Variants in TMA7 observed in about 807,000 individuals in gnomAD.
The protein encoded by TMA7 is translation machinery-associated protein 7.
In TMA7, 5 loss-of-function variants were observed where a neutral mutation model predicts 12.5. That is an observed-to-expected ratio of 0.40 (90% CI 0.21 to 0.84). The LOEUF (loss-of-function observed/expected upper bound fraction) is 0.84, where lower values mean the gene tolerates loss of function less well. Among genes scored for constraint, TMA7 ranks in the 40% least tolerant of loss-of-function variants. The pLI is 0.36. For missense variants in TMA7, 71 were observed against 75.4 expected, an observed-to-expected ratio of 0.94 and a Z score of 0.22; for synonymous variants, 36 against 28.1, an observed-to-expected ratio of 1.28 and a Z score of -0.89.
At position 48,443,853 on chromosome 3, in the gene TMA7, G is replaced by C. The variant is rs375127083; in HGVS notation, c.166G>C (p.Gly56Arg). The change falls in exon 4 of 4, where the codon GGT becomes CGT. Residue 56 changes from glycine (G) to arginine (R), a missense_variant. By Grantham distance (125) the Gly-to-Arg change is moderately radical. Transcript: ENST00000438607. Reference sequence around the variant, plus strand: ...TGACTATTTTTCTTTTGCAGCCACAGGTGGAATTAAGAAATCTGGCAAAAA... The same window carrying C: ...TGACTATTTTTCTTTTGCAGCCACACGTGGAATTAAGAAATCTGGCAAAAA... ...KAAGKGPLAT[G>R]GIKKSGKK is the part of the protein sequence containing the mutation. 7 of 1,559,810 alleles carry C rather than the reference G, an allele frequency of 4.5e-6. No individual in the cohort carries two copies. The highest frequency in any genetic ancestry group is 6.0e-6 in the Non-Finnish European group (7 of 1,159,858).
intron 3 of TMA7, among the ~76,000 whole-genome samples, chr3:48,441,976 A>G (rs1035803164): frequency 1.3e-5 from 2 of 152,230 alleles, no homozygotes; most frequent in African/African-American, 4.8e-5. Flanking sequence ...TGGGCTGACC[A>G]TAATCCAAGT....
intron 3 of TMA7, among the ~76,000 whole-genome samples, chr3:48,442,320 G>A (rs2039590198): frequency 6.6e-6 from 1 of 151,826 alleles, no homozygotes; most frequent in South Asian, 2.1e-4. Flanking sequence ...TGTGTATAGG[G>A]GAAAGAACAG....
chr3:48,440,374 C>T (rs758222698), intron 1 of TMA7, 29 bp from the exon 2 acceptor site: 3 of 1,611,694 alleles, frequency 1.9e-6, no homozygotes, highest in South Asian at 2.2e-5. Flanking sequence ...GCGGCAGGGG[C>T]AGGCCGAACG....
intron 3 of TMA7, among the ~76,000 whole-genome samples, chr3:48,443,552 G>A (rs752717142): frequency 1.5e-4 from 23 of 151,614 alleles, no homozygotes; most frequent in Non-Finnish European, 3.4e-4. Flanking sequence ...AAAAAAAAAG[G>A]ACTTCTTTTT....
intron 3 of TMA7, 75 bp downstream of exon 3, chr3:48,440,703 C>A: frequency 7.5e-7 from 1 of 1,333,270 alleles, no homozygotes; most frequent in Non-Finnish European, 1.1e-6. Flanking sequence ...GCGGGCATGT[C>A]TTTTTCCTGC....
At chr3:48,440,872 C>T (rs2039544856) in intron 3 of TMA7, 1 of 577,404 alleles carries the variant, frequency 1.7e-6, no homozygotes. Context: ...GCTGCAGAAA[C>T]GGAAACAGTG....
rs540083992 is a variant in TMA7, at chr3:48,441,640, C to T, written c.160+1012C>T. 2.6e-5 allele frequency among the ~76,000 whole-genome samples: 4 copies of T among 152,276 alleles called. No homozygotes were observed. The South Asian group carries it at 6.2e-4, about 24-fold the overall frequency. On this transcript the variant is annotated intron_variant, in intron 3 of 3. Coordinates refer to ENST00000438607, the MANE Select transcript of TMA7 (RefSeq NM_015933.6). ...ATGCTTTTCTAACTGAATCCTCCACCTTTTTTACATCTTTTATGTAGGAGA... is the reference window on the plus strand; with the variant it reads ...ATGCTTTTCTAACTGAATCCTCCACTTTTTTTACATCTTTTATGTAGGAGA...
intron 3 of TMA7, among the ~76,000 whole-genome samples, chr3:48,442,033 C>T (rs2039581121): frequency 3.5e-5 from 1 of 28,652 alleles, no homozygotes; most frequent in Admixed American, 5.4e-4. Context: ...TAGGAGTTCA[C>T]AGCATCAAAG....
At chr3:48,442,667 G>A (rs909305940) in intron 3 of TMA7, among the ~76,000 whole-genome samples, 1 of 151,692 alleles carries the variant, frequency 6.6e-6, no homozygotes, top group Non-Finnish European at 1.5e-5. Context: ...GGCCAGGATG[G>A]TCTCGATCTC....
intron 3 of TMA7, among the ~76,000 whole-genome samples, chr3:48,442,780 T>C (rs984959046): frequency 6.6e-6 from 1 of 152,132 alleles, no homozygotes; most frequent in African/African-American, 2.4e-5. Flanking sequence ...AATCGCCTAC[T>C]GCGTTCCACA....
At position 48,443,954 on chromosome 3, in the gene TMA7, T is replaced by G. The variant is rs1284780725; in HGVS notation, c.*72T>G. 3 of 1,133,076 alleles carry G rather than the reference T, an allele frequency of 2.6e-6. No individual in the cohort carries two copies. The highest frequency in any genetic ancestry group is 1.6e-5 in the African/African-American group (1 of 62,436). The allele number at this position is 1,133,076 out of a possible 1,614,324, so 70.2% of individuals were successfully genotyped here. ...ATTTAAACCTCTCTATTCCCTGCCA[T>G]AACATCTTTTGCCACGTATAGCTGG... is the stretch of plus-strand genomic sequence containing the variant. On this transcript the variant is annotated 3_prime_UTR_variant, in exon 4 of 4. Coordinates refer to ENST00000438607, the MANE Select transcript of TMA7 (RefSeq NM_015933.6).
chr3:48,443,794 C>T (rs1337554464), intron 3 of TMA7, 54 bp from the exon 4 acceptor site: 7 of 1,468,768 alleles, frequency 4.8e-6, no homozygotes, highest in Non-Finnish European at 6.4e-6. Context: ...GCCCGTGGGG[C>T]TTCTACCGTA....
chr3:48,442,272 A>G (rs2362441), intron 3 of TMA7, among the ~76,000 whole-genome samples: 1 of 113,242 alleles, frequency 8.8e-6, no homozygotes, highest in African/African-American at 3.2e-5. Context: ...AAAAAAAAAA[A>G]AAAAAAAGGT....
chr3:48,440,934 C>T (rs1384687557), intron 3 of TMA7: 2 of 469,742 alleles, frequency 4.3e-6, no homozygotes, highest in Non-Finnish European at 7.6e-6. Flanking sequence ...CAAAGTCTGA[C>T]GTCGTCCGCA....
rs747987196 is a variant in TMA7, at chr3:48,441,010, TTTTTGTTTTG to T, written c.160+396_160+405del. 1.6e-4 allele frequency: 42 copies of T among 270,172 alleles called. 1 individual carries two copies. The East Asian group carries it at 3.1e-3, about 20-fold the overall frequency. The allele number at this position is 270,172 out of a possible 1,614,324, so 16.7% of individuals were successfully genotyped here. A position where few individuals can be genotyped will look rare whatever the true frequency, so the allele number is the denominator to read the frequency against. On this transcript the variant is annotated intron_variant, in intron 3 of 3. Coordinates refer to ENST00000438607, the MANE Select transcript of TMA7 (RefSeq NM_015933.6). ...TTGAACCTTACTTGACTTAGAAGTT[TTTTTGTTTTG>T]TTTTGTTTTGTTTGAGACAGAGTCT... is the stretch of plus-strand genomic sequence containing the variant.
At chr3:48,442,455 T>C (rs1007091040) in intron 3 of TMA7, among the ~76,000 whole-genome samples, 4 of 149,566 alleles carry the variant, frequency 2.7e-5, no homozygotes, top group African/African-American at 9.9e-5. Context: ...CCCTACACTT[T>C]TTTTTTTTTT....
intron 3 of TMA7, 35 bp from the exon 4 acceptor site, chr3:48,443,813 A>G: frequency 6.5e-7 from 1 of 1,539,490 alleles, no homozygotes; most frequent in Non-Finnish European, 8.7e-7. Flanking sequence ...TAAGAACTAT[A>G]TTTTTCCCTA....
chr3:48,441,792 A>C (rs2107166997), intron 3 of TMA7, among the ~76,000 whole-genome samples: 1 of 152,290 alleles, frequency 6.6e-6, no homozygotes, highest in East Asian at 1.9e-4. Context: ...CCCCCATTTG[A>C]GCACTGTGAG....
intron 3 of TMA7, among the ~76,000 whole-genome samples, chr3:48,442,913 CT>C (rs1047370585): frequency 2.6e-5 from 4 of 152,048 alleles, no homozygotes; most frequent in African/African-American, 9.7e-5. Context: ...GGGATCCTGG[CT>C]TGTCACATAC....
Sources: allele counts gnomAD v4.1 joint callset (sites outside exome capture counted in the v4.1 genomes callset), GRCh38; gene constraint gnomAD v4.1.1; transcripts MANE v1.5; gene names NCBI Gene and HGNC (gene_info 2026-07-23, HGNC 2026-07-21).